The following NAF1 variants were observed in gnomAD, a reference collection of about 807,000 sequenced individuals.
NAF1 encodes the protein H/ACA ribonucleoprotein complex non-core subunit NAF1.
A neutral mutation model predicts 40.6 loss-of-function variants in NAF1; 11 were observed. That is an observed-to-expected ratio of 0.27 (90% CI 0.17 to 0.45). The LOEUF (loss-of-function observed/expected upper bound fraction) is 0.45. Among genes scored for constraint, NAF1 ranks in the 20% least tolerant of loss-of-function variants. NAF1 has a pLI of 1.00. For synonymous variants in NAF1, 260 were observed against 228.5 expected (o/e 1.14, Z -1.24); for missense variants, 607 against 611.1 (o/e 0.99, Z 0.07).
At chr4:163,105,122 T>C (rs1730033086), downstream of NAF1, among the ~76,000 whole-genome samples, 1 of 152,220 alleles carries the variant, frequency 6.6e-6, no homozygotes, top group Non-Finnish European at 1.5e-5. Flanking sequence ...TATTGTTATA[T>C]GCTGGAAAAT....
At chr4:163,139,457 T>TA (rs142686379) in intron 5 of NAF1, among the ~76,000 whole-genome samples, 87 of 151,466 alleles carry the variant, frequency 5.7e-4, no homozygotes, top group South Asian at 2.3e-3. Flanking sequence ...TTATTTTTAT[T>TA]AAAAAAAAAT....
rs549746195 is a variant in NAF1 at position 163,164,362 on chromosome 4, G to C, written c.395C>G (p.Ser132Trp). Residue 132 changes from serine to tryptophan, a missense_variant, in exon 2 of 8, where the codon TCG becomes TGG. Physicochemically the swap from Ser to Trp is radical, Grantham distance 177. Coordinates refer to ENST00000274054, the MANE Select transcript of NAF1 (RefSeq NM_138386.3). ...CGATGAGGAAGATGAAGAGGAAGAC[G>C]ATGAACTTGAACTATCTGAATCTGT... ...SETDSDSSSS[S>W]SSSSSSSSSS... 1 of 1,588,888 alleles carries C rather than the reference G, an allele frequency of 6.3e-7. No homozygotes were observed. Among genetic ancestry groups the C allele is most frequent in the African/African-American group, 1.4e-5 (1 of 73,932 alleles).
At position 163,128,901 on chromosome 4, in the gene NAF1, T is replaced by C. The variant is rs1730751148; in HGVS notation, c.1481A>G (p.Tyr494Cys). 4.0e-6 allele frequency: 6 copies of C among 1,507,038 alleles called. No homozygotes were observed. The highest frequency in any genetic ancestry group is 1.5e-5 in the African/African-American group (1 of 67,104). 93.4% of individuals were successfully genotyped at this position (1,507,038 alleles called of 1,614,324 possible). A position where few individuals can be genotyped will look rare whatever the true frequency, so the allele number is the denominator to read the frequency against. The change falls in exon 8 of 8, where the codon TAT (tyrosine) becomes TGT (cysteine). Residue 494 changes from tyrosine to cysteine, a missense_variant. Transcript: ENST00000274054. The stretch of plus-strand genomic sequence containing the variant: ...TCTCTGGAAATGCATAGTCACCTAA[T>C]AGTAAGGTCCAAAATGAGAATTACT... Reference protein sequence around the residue: ...GDSNSHFGPYY With the variant: ...GDSNSHFGPYC
At chr4:163,154,483 T>A (rs1213240754) in intron 2 of NAF1, among the ~76,000 whole-genome samples, 1 of 152,206 alleles carries the variant, frequency 6.6e-6, no homozygotes, top group East Asian at 1.9e-4. Context: ...TACAGTTAAA[T>A]GAAGCAGTAT....
At chr4:163,147,206 TGTAA>T (rs1235790049) in intron 3 of NAF1, among the ~76,000 whole-genome samples, 3 of 152,208 alleles carry the variant, frequency 2.0e-5, no homozygotes, top group Admixed American at 6.5e-5. Context: ...TACAAAATTA[TGTAA>T]GTGTTAATTT....
chr4:163,112,258 T>C (rs1010374068), intron 2 of NAF1, among the ~76,000 whole-genome samples: 1 of 152,110 alleles, frequency 6.6e-6, no homozygotes, highest in South Asian at 2.1e-4. Context: ...GTGATTAGCT[T>C]TAAGTAAAAG....
chr4:163,140,892 T>G (rs914263140), intron 4 of NAF1, among the ~76,000 whole-genome samples: 1 of 152,212 alleles, frequency 6.6e-6, no homozygotes. Flanking sequence ...ATTTAACAAC[T>G]AATAAAGTAG....
At chr4:163,120,923 G>A (rs146829987) in intron 2 of NAF1, among the ~76,000 whole-genome samples, 120 of 152,132 alleles carry the variant, frequency 7.9e-4, no homozygotes, top group East Asian at 2.7e-3. Flanking sequence ...ACGGAGTCTC[G>A]CTTTGTCAAC....
At chr4:163,152,632 CCAT>C (rs534334940) in intron 2 of NAF1, among the ~76,000 whole-genome samples, 86 of 152,376 alleles carry the variant, frequency 5.6e-4, no homozygotes, top group South Asian at 5.0e-3. Flanking sequence ...GAAATCACCA[CCAT>C]ATTTCCAATA....
chr4:163,124,661 T>A (rs184935216), downstream of NAF1, among the ~76,000 whole-genome samples: 45 of 152,204 alleles, frequency 3.0e-4, no homozygotes, highest in African/African-American at 1.1e-3. Flanking sequence ...CCCACAGACA[T>A]AGAGGGCCAA....
intron 2 of NAF1, among the ~76,000 whole-genome samples, chr4:163,151,389 A>G (rs1731698187): frequency 6.7e-6 from 1 of 150,008 alleles, no homozygotes; most frequent in Non-Finnish European, 1.5e-5. Flanking sequence ...ATATTTGTGT[A>G]TTTGGTCCAT....
Position 163,148,959 on chromosome 4 carries a change from T to C in NAF1, c.541-525A>G, listed in dbSNP as rs548552709. 5.3e-5 allele frequency among the ~76,000 whole-genome samples: 8 copies of C among 152,194 alleles called. No homozygotes were observed. In the South Asian group the frequency reaches 8.3e-4, roughly 16 times the overall value. On this transcript the variant is annotated intron_variant, in intron 2 of 7. Transcript: ENST00000274054. The stretch of plus-strand genomic sequence containing the variant: ...TTCAGGAAAAAGGAAATGACACCTA[T>C]CAGTGAAACATTGAAGTCCTGAAAA...
intron 2 of NAF1, among the ~76,000 whole-genome samples, chr4:163,115,137 G>C (rs1730287474): frequency 6.6e-6 from 1 of 151,256 alleles, no homozygotes; most frequent in South Asian, 2.1e-4. Context: ...AGGCATGAAA[G>C]ACTCTACATT....
downstream of NAF1, among the ~76,000 whole-genome samples, chr4:163,106,445 A>T (rs1730049956): frequency 6.6e-6 from 1 of 152,198 alleles, no homozygotes; most frequent in Non-Finnish European, 1.5e-5. Flanking sequence ...TAGCACTTTC[A>T]TATTAGAAAG....
At chr4:163,148,742 T>C (rs1267252643) in intron 2 of NAF1, among the ~76,000 whole-genome samples, 2 of 152,150 alleles carry the variant, frequency 1.3e-5, no homozygotes, top group African/African-American at 4.8e-5. Context: ...CTACTTCCTG[T>C]AAAAAAGGCT....
Position 163,128,702 on chromosome 4 carries a change from C to A in NAF1, c.*195G>T. 2 of 1,112,466 alleles carry A rather than the reference C, an allele frequency of 1.8e-6. No homozygotes were observed. The highest frequency in any genetic ancestry group is 2.3e-6 in the Non-Finnish European group (2 of 883,880). The allele number at this position is 1,112,466 out of a possible 1,614,324, so 68.9% of individuals were successfully genotyped here. A position where few individuals can be genotyped will look rare whatever the true frequency, so the allele number is the denominator to read the frequency against. ...AAATATTACATAATTTAATGTTCTC[C>A]CAAGAATTTGAGCTGACATTTTCAT... On this transcript the variant is annotated 3_prime_UTR_variant, in exon 8 of 8. Coordinates refer to ENST00000274054, the MANE Select transcript of NAF1 (RefSeq NM_138386.3).
chr4:163,160,453 TAAG>T (rs991098527), intron 2 of NAF1, among the ~76,000 whole-genome samples: 2 of 148,640 alleles, frequency 1.3e-5, no homozygotes, highest in African/African-American at 5.1e-5. Flanking sequence ...TTCTAAGGTT[TAAG>T]AACAATCATA....
downstream of NAF1, among the ~76,000 whole-genome samples, chr4:163,121,950 C>T (rs914697078): frequency 6.6e-6 from 1 of 152,144 alleles, no homozygotes; most frequent in Non-Finnish European, 1.5e-5. Context: ...TTTTCTGCAA[C>T]AGAAAATAAC....
intron 4 of NAF1, among the ~76,000 whole-genome samples, chr4:163,140,737 T>C (rs1731229317): frequency 6.6e-6 from 1 of 152,232 alleles, no homozygotes; most frequent in South Asian, 2.1e-4. Flanking sequence ...AAAAGGATTA[T>C]AATTGGTAAC....
Sources: allele counts gnomAD v4.1 joint callset (sites outside exome capture counted in the v4.1 genomes callset), GRCh38; gene constraint gnomAD v4.1.1; transcripts MANE v1.5; gene names NCBI Gene and HGNC (gene_info 2026-07-23, HGNC 2026-07-21).